Variants in NDFIP1 observed in about 807,000 individuals in gnomAD.
NDFIP1 encodes NEDD4 family-interacting protein 1.
Under a neutral mutation model 28.8 loss-of-function variants are expected in NDFIP1, and 7 were observed. The ratio of observed to expected loss-of-function variants is 0.24; its 90% confidence interval spans 0.14 to 0.46. NDFIP1 has a LOEUF of 0.46. Among genes scored for constraint, NDFIP1 ranks in the 20% least tolerant of loss-of-function variants. The pLI, the probability that NDFIP1 is intolerant of heterozygous loss-of-function variation, is 0.99. For missense variants in NDFIP1, 194 were observed against 269.1 expected (o/e 0.72, Z 1.95); for synonymous variants, 92 against 101.0 (o/e 0.91, Z 0.53).
chr5:142,146,464 A>C (rs754755624), intron 7 of NDFIP1, among the ~76,000 whole-genome samples: 1 of 152,216 alleles, frequency 6.6e-6, no homozygotes, highest in Non-Finnish European at 1.5e-5. Flanking sequence ...AGTTAGCCTT[A>C]GGTTTAACTT....
At chr5:142,136,439 T>C (rs972039598) in intron 4 of NDFIP1, among the ~76,000 whole-genome samples, 5 of 152,110 alleles carry the variant, frequency 3.3e-5, no homozygotes, top group African/African-American at 1.2e-4. Flanking sequence ...CTGGACTATA[T>C]ATATATAACA....
At chr5:142,116,263 T>G (rs1344139334) in intron 1 of NDFIP1, among the ~76,000 whole-genome samples, 1 of 152,202 alleles carries the variant, frequency 6.6e-6, no homozygotes, top group Admixed American at 6.5e-5. Context: ...TTTAAGAGCA[T>G]TCCTAGTGAA....
intron 7 of NDFIP1, among the ~76,000 whole-genome samples, chr5:142,147,176 A>G (rs1034868989): frequency 1.2e-4 from 19 of 152,156 alleles, no homozygotes; most frequent in Non-Finnish European, 1.8e-4. Flanking sequence ...GCTCTAAATT[A>G]AGGGTTTGAG....
intron 1 of NDFIP1, among the ~76,000 whole-genome samples, chr5:142,131,397 C>T (rs1757225562): frequency 1.3e-5 from 2 of 152,206 alleles, no homozygotes; most frequent in Admixed American, 6.5e-5. Context: ...GCCTCAGCCT[C>T]CTGAGCAGCT....
At chr5:142,111,162 G>A (rs567896770) in intron 1 of NDFIP1, among the ~76,000 whole-genome samples, 1 of 151,358 alleles carries the variant, frequency 6.6e-6, no homozygotes, top group East Asian at 1.9e-4. Flanking sequence ...ACTTTTGCAC[G>A]TGTCCATGTG....
chr5:142,149,611 T>G (rs1356370870), intron 7 of NDFIP1, among the ~76,000 whole-genome samples: 1 of 152,136 alleles, frequency 6.6e-6, no homozygotes, highest in African/African-American at 2.4e-5. Context: ...CATTTGGAGA[T>G]TGTGTGGTGA....
Position 142,108,820 on chromosome 5 carries a change from A to T in NDFIP1, c.-155A>T. On this transcript the variant is annotated 5_prime_UTR_variant, in exon 1 of 8. Transcript: ENST00000253814. ...CCTCGGCGGCGGCGGCGGTGCTTAC[A>T]GCCTGAGAAGAGCGTCTCGCCCGGG... The T allele has an allele frequency of 1.8e-6, 1 of 549,532 alleles. No individual in the cohort carries two copies. The highest frequency in any genetic ancestry group is 2.8e-6 in the Non-Finnish European group (1 of 351,536). The allele number at this position is 549,532 out of a possible 1,614,324, so 34.0% of individuals were successfully genotyped here. A position where few individuals can be genotyped will look rare whatever the true frequency, so the allele number is the denominator to read the frequency against.
intron 7 of NDFIP1, among the ~76,000 whole-genome samples, chr5:142,148,777 A>G (rs249639): frequency 0.31 from 29,575 of 95,064 alleles, 8,658 homozygotes; most frequent in African/African-American, 0.59. Context: ...AAAAAAAAAA[A>G]GTATGTGACT....
rs1462360313 is a variant in NDFIP1 at position 142,137,846 on chromosome 5, C to T, written c.483C>T (p.Ile161=). ...TTGGTCTCTCTCTAATTAAATGGAT[C>T]CTGATTGTCAGGGTAAGTTGTATAA... ...SGFGLSLIKW[I]LIVRFSTYFP... The change falls in exon 5 of 8, where the codon ATC becomes ATT. Residue 161 remains isoleucine, a synonymous_variant. Transcript: ENST00000253814. 3 of 1,613,728 alleles carry T rather than the reference C, an allele frequency of 1.9e-6. No homozygotes were observed. The highest frequency in any genetic ancestry group is 2.5e-6 in the Non-Finnish European group (3 of 1,179,858).
intron 6 of NDFIP1, 171 bp from the exon 7 acceptor site, chr5:142,144,400 G>A (rs546023757): frequency 1.7e-6 from 1 of 573,234 alleles, no homozygotes; most frequent in South Asian, 2.2e-5. Context: ...CTCATTGAAG[G>A]ATGGATAATT....
chr5:142,146,595 G>T (rs1757391811), intron 7 of NDFIP1, among the ~76,000 whole-genome samples: 1 of 152,138 alleles, frequency 6.6e-6, no homozygotes, highest in Non-Finnish European at 1.5e-5. Flanking sequence ...ATACTGAGGG[G>T]ACAGATTTCT....
At chr5:142,125,807 T>G (rs2126915012) in intron 1 of NDFIP1, among the ~76,000 whole-genome samples, 1 of 152,348 alleles carries the variant, frequency 6.6e-6, no homozygotes, top group Non-Finnish European at 1.5e-5. Flanking sequence ...GCCATCCTAG[T>G]AAGCATGAAG....
chr5:142,147,272 A>G (rs533899838), intron 7 of NDFIP1, among the ~76,000 whole-genome samples: 127 of 152,250 alleles, frequency 8.3e-4, no homozygotes, highest in African/African-American at 3.0e-3. Flanking sequence ...ATAATATCCT[A>G]TGGGACTGAG....
intron 4 of NDFIP1, among the ~76,000 whole-genome samples, chr5:142,136,629 C>T (rs1462171720): frequency 6.6e-6 from 1 of 151,702 alleles, no homozygotes; most frequent in East Asian, 1.9e-4. Context: ...GTGGCAGGCA[C>T]CTGTAATCCC....
chr5:142,132,470 G>A (rs1217981334), intron 3 of NDFIP1, 128 bp downstream of exon 3: 4 of 1,198,098 alleles, frequency 3.3e-6, no homozygotes, highest in Admixed American at 2.6e-5. Context: ...TAAAAATCAG[G>A]TACATTTGCT....
At chr5:142,135,145 A>AT (rs1038364815) in intron 3 of NDFIP1, among the ~76,000 whole-genome samples, 6 of 100,006 alleles carry the variant, frequency 6.0e-5, no homozygotes, top group Non-Finnish European at 1.2e-4. Flanking sequence ...CTCCCGGCTA[A>AT]TTTTTTTGTA....
intron 7 of NDFIP1, among the ~76,000 whole-genome samples, chr5:142,148,594 T>C (rs567654729): frequency 6.6e-6 from 1 of 151,756 alleles, no homozygotes; most frequent in Non-Finnish European, 1.5e-5. Context: ...CTACTAAAGA[T>C]ACAAAAATTA....
chr5:142,148,472 C>T (rs992885583), intron 7 of NDFIP1, among the ~76,000 whole-genome samples: 6 of 152,010 alleles, frequency 3.9e-5, no homozygotes, highest in East Asian at 1.9e-4. Context: ...GTGACTGGGC[C>T]GGGCGCAGTG....
At chr5:142,133,221 C>T (rs1319369407) in intron 3 of NDFIP1, among the ~76,000 whole-genome samples, 2 of 152,156 alleles carry the variant, frequency 1.3e-5, no homozygotes, top group African/African-American at 4.8e-5. Flanking sequence ...AGTTTATGAG[C>T]CCAATCTAGG....
Sources: gnomAD v4.1 joint callset for allele counts (sites outside exome capture counted in the v4.1 genomes callset) on GRCh38, gnomAD v4.1.1 for gene constraint, MANE v1.5 for transcripts, NCBI Gene and HGNC (gene_info 2026-07-23, HGNC 2026-07-21) for gene names.